The following COG1 variants were observed in gnomAD, a reference collection of about 807,000 sequenced individuals.
COG1 encodes component of oligomeric golgi complex 1.
Under a neutral mutation model 102.2 loss-of-function variants are expected in COG1, and 61 were observed. The ratio of observed to expected loss-of-function variants is 0.60; its 90% CI spans 0.49 to 0.74. The LOEUF is 0.74. Ranked by LOEUF, COG1 falls within the 30% of genes least tolerant of loss-of-function variation. The pLI, the probability that COG1 is intolerant of heterozygous loss-of-function variation, is 0.00. For missense variants in COG1, 1,164 were observed against 1,232.1 expected, an observed-to-expected ratio of 0.94 and a Z score of 0.83; for synonymous variants, 454 against 493.6, an observed-to-expected ratio of 0.92 and a Z score of 1.06.
chr17:73,203,228 C>A, intron 8 of COG1, 82 bp downstream of exon 8: 1 of 1,524,698 alleles, frequency 6.6e-7, no homozygotes, highest in Non-Finnish European at 8.9e-7. Context: ...ATTCAACATA[C>A]AACTTCTGAG....
chr17:73,207,678 T>C, intron 13 of COG1: 1 of 1,294,604 alleles, frequency 7.7e-7, no homozygotes, highest in Middle Eastern at 2.1e-4. Flanking sequence ...TGACATTTTC[T>C]TGTTAATACA....
At chr17:73,203,440 C>T (rs1373853252) in intron 8 of COG1, 192 bp from the exon 9 acceptor site, 10 of 748,972 alleles carry the variant, frequency 1.3e-5, no homozygotes, top group Non-Finnish European at 2.0e-5. Flanking sequence ...AGCCTCAGAC[C>T]GTGGAGGCAG....
At chr17:73,199,793 G>A in intron 4 of COG1, 72 bp from the exon 5 acceptor site, 1 of 1,590,354 alleles carries the variant, frequency 6.3e-7, no homozygotes, top group South Asian at 1.1e-5. Context: ...AAGCTGGCCT[G>A]GCCTAACTCC....
chr17:73,199,203 C>T (rs528807782), intron 4 of COG1, among the ~76,000 whole-genome samples: 1 of 152,286 alleles, frequency 6.6e-6, no homozygotes, highest in South Asian at 2.1e-4. Flanking sequence ...GAGCTATGAA[C>T]GACTCAGTTA....
intron 8 of COG1, 171 bp downstream of exon 8, chr17:73,203,317 C>T: frequency 2.3e-6 from 2 of 865,724 alleles, no homozygotes; most frequent in South Asian, 1.6e-5. Context: ...GCAGACTGTT[C>T]AAGAAGTCAG....
chr17:73,202,948 ACT>A, intron 7 of COG1, 50 bp from the exon 8 acceptor site: 2 of 1,599,530 alleles, frequency 1.3e-6, no homozygotes, highest in Admixed American at 1.7e-5. Flanking sequence ...TTTTAAAGAA[ACT>A]CTACAGAGGA....
At chr17:73,206,551 G>C (rs865940000) in intron 11 of COG1, among the ~76,000 whole-genome samples, 157 bp from the exon 12 acceptor site, 2 of 151,872 alleles carry the variant, frequency 1.3e-5, no homozygotes, top group African/African-American at 2.4e-5. Flanking sequence ...CCTGTGGGCA[G>C]TGATAAAAAG....
intron 13 of COG1, chr17:73,207,674 T>A: frequency 7.7e-7 from 1 of 1,294,696 alleles, no homozygotes; most frequent in Non-Finnish European, 1.0e-6. Flanking sequence ...AGTTTGACAT[T>A]TTCTTGTTAA....
intron 13 of COG1, 158 bp downstream of exon 13, chr17:73,207,414 T>C: frequency 1.3e-6 from 1 of 780,828 alleles, no homozygotes; most frequent in Non-Finnish European, 2.2e-6. Context: ...TACAAGGTTT[T>C]ACTAGCTTGA....
Position 73,206,753 on chromosome 17 carries a change from C to CG in COG1, c.2667dup (p.Ser890GlufsTer11). The CG allele has an allele frequency of 6.2e-7, 1 of 1,613,472 alleles. No homozygotes were observed. Among genetic ancestry groups the CG allele is most frequent in the Non-Finnish European group, 8.5e-7 (1 of 1,179,952 alleles). ...TGGTACAGAGAATCAGCTCGCCCCC[C>CG]GGAGCAGTACGTTCAACTCCCAAGA... On this transcript the variant is annotated frameshift_variant, in exon 12 of 14. Transcript: ENST00000299886. LOFTEE classifies it high-confidence loss of function.
Position 73,205,559 on chromosome 17 carries a change from G to A in COG1, c.2389G>A (p.Gly797Ser). 3.1e-6 allele frequency: 5 copies of A among 1,614,128 alleles called. No individual in the cohort carries two copies. Among genetic ancestry groups the A allele is most frequent in the Non-Finnish European group, 4.2e-6 (5 of 1,180,030 alleles). The change falls in exon 10 of 14, where the codon GGT (glycine) becomes AGT (serine). Residue 797 changes from glycine (G) to serine (S), a missense_variant. Transcript: ENST00000299886. ...ACTGGGAATTCATTTGCAGAAAGAA[G>A]GTGCATTTCCAGTCACCCAGAACCG... is the stretch of plus-strand genomic sequence containing the variant. ...LSEEKQIKKE[G>S]AFPVTQNRAL...
chr17:73,196,334 CT>C (rs1456845445), intron 1 of COG1, among the ~76,000 whole-genome samples, 172 bp from the exon 2 acceptor site: 2 of 152,184 alleles, frequency 1.3e-5, no homozygotes, highest in African/African-American at 4.8e-5. Context: ...TACAACACTC[CT>C]GACTCTGGCA....
At chr17:73,207,564 C>A (rs554633396) in intron 13 of COG1, 21 of 694,126 alleles carry the variant, frequency 3.0e-5, no homozygotes, top group Middle Eastern at 2.8e-4. Context: ...CCGGCACTAT[C>A]ATTGTACTTG....
chr17:73,199,049 G>A (rs1467949113), intron 4 of COG1, among the ~76,000 whole-genome samples: 1 of 152,180 alleles, frequency 6.6e-6, no homozygotes, highest in Non-Finnish European at 1.5e-5. Flanking sequence ...GACTTGTCAT[G>A]GCTTTAGAAA....
intron 9 of COG1, 137 bp from the exon 10 acceptor site, chr17:73,205,416 A>T: frequency 1.1e-6 from 1 of 887,704 alleles, no homozygotes; most frequent in Non-Finnish European, 1.9e-6. Context: ...TTGTGAGATT[A>T]AACTGGCCAT....
At chr17:73,206,638 C>CTTT (rs75205063) in intron 11 of COG1, 70 bp from the exon 12 acceptor site, 27 of 820,678 alleles carry the variant, frequency 3.3e-5, no homozygotes, top group African/African-American at 9.6e-5. Context: ...GGTGACTAAC[C>CTTT]TTTTTTTTTT....
intron 1 of COG1, among the ~76,000 whole-genome samples, chr17:73,194,152 A>ATTTTT (rs1257232460): frequency 6.8e-6 from 1 of 147,354 alleles, no homozygotes; most frequent in Non-Finnish European, 1.5e-5. Flanking sequence ...TTCCTAAAGA[A>ATTTTT]TTTTTATTGG....
Position 73,208,394 on chromosome 17 carries a change from C to G in COG1, c.2886C>G (p.Asp962Glu). ...SLFRQLVSEE[D>E]NTSAPSLFKL... is the part of the protein sequence containing the mutation. Reference sequence around the variant, plus strand: ...TCAGACAGCTTGTCAGTGAAGAAGACAACACGTCTGCACCTTCATTATTCA... The same window carrying G: ...TCAGACAGCTTGTCAGTGAAGAAGAGAACACGTCTGCACCTTCATTATTCA... Residue 962 changes from aspartate (D) to glutamate (E), a missense_variant, in exon 14 of 14, where the codon GAC becomes GAG. Asp to Glu is a conservative substitution (Grantham distance 45). Transcript: ENST00000299886. 5 of 1,614,236 alleles carry G rather than the reference C, an allele frequency of 3.1e-6. No individual in the cohort carries two copies. Among genetic ancestry groups the G allele is most frequent in the Non-Finnish European group, 4.2e-6 (5 of 1,180,044 alleles).
chr17:73,200,622 T>A lies in COG1; in HGVS notation c.1127T>A (p.Met376Lys), dbSNP rs941643496. ...AACCTGCTCATGTACGTGAAGAGCA[T>A]GAAGGGTCTCGCGGGAATCCGGGAC... ...ITNLLMYVKS[M>K]KGLAGIRDAM... is the part of the protein sequence containing the mutation. The change falls in exon 6 of 14, where the codon ATG becomes AAG. Residue 376 changes from methionine to lysine, a missense_variant. Coordinates refer to ENST00000299886, the MANE Select transcript of COG1 (RefSeq NM_018714.3). The A allele has an allele frequency of 6.2e-7, 1 of 1,614,156 alleles. No homozygotes were observed. The highest frequency in any genetic ancestry group is 1.7e-5 in the Admixed American group (1 of 60,014).
Sources: gnomAD v4.1 joint callset for allele counts (sites outside exome capture counted in the v4.1 genomes callset) on GRCh38, gnomAD v4.1.1 for gene constraint, MANE v1.5 for transcripts, NCBI Gene and HGNC (gene_info 2026-07-23, HGNC 2026-07-21) for gene names.